The following MYH6 variants were observed in gnomAD, a reference collection of about 807,000 sequenced individuals.
MYH6 encodes the protein myosin-6.
MYH6 carries 126 observed loss-of-function variants against 223.2 expected under a neutral mutation model. The ratio of observed to expected loss-of-function variants is 0.56; its 90% CI spans 0.49 to 0.65. MYH6 has a LOEUF of 0.65. Among genes scored for constraint, MYH6 ranks in the 30% least tolerant of loss-of-function variants. The pLI is 0.00. For missense variants in MYH6, 2,040 were observed against 2,536.4 expected, an observed-to-expected ratio of 0.80 and a Z score of 4.20; for synonymous variants, 978 against 1,010.2, an observed-to-expected ratio of 0.97 and a Z score of 0.61.
At chr14:23,392,871 G>C (rs1449843039) in intron 24 of MYH6, 41 bp downstream of exon 24, 1 of 1,610,754 alleles carries the variant, frequency 6.2e-7, no homozygotes, top group Non-Finnish European at 8.5e-7. Context: ...TACCAGGCCA[G>C]ACACCTCCAT....
rs187065265 is a variant in MYH6, at chr14:23,390,033, G to A, written c.3732+24C>T. ...GGCTCCGCTGTGCAGGGGAGAGGGC[G>A]AGGGGAGGCCGAGCAGAGCCTGCCT... On this transcript the variant is annotated intron_variant, in intron 26 of 38. Transcript: ENST00000405093. 1.1e-5 allele frequency: 17 copies of A among 1,613,592 alleles called. No homozygotes were observed. In the East Asian group the frequency reaches 3.1e-4, roughly 30 times the overall value.
chr14:23,383,214 T>G lies in MYH6; in HGVS notation c.5661+11A>C, dbSNP rs769522300. On this transcript the variant is annotated intron_variant, in intron 37 of 38. Transcript: ENST00000405093. ...GTGTTGATGAGAAAGGGAAGAAAGC[T>G]CTGAACTCACCGCCTCCTCGGCCTG... 6.2e-7 allele frequency: 1 copy of G among 1,609,228 alleles called. No individual in the cohort carries two copies. The highest frequency in any genetic ancestry group is 8.5e-7 in the Non-Finnish European group (1 of 1,176,790).
chr14:23,389,072 G>GGGGGGGGGGCCC lies in MYH6; in HGVS notation c.3979-18_3979-17insGGGCCCCCCCCC. ...GTTCTTCGCCTGGGGAGGGGGGGGG[G>GGGGGGGGGGCCC]CACCAGGAGGTGGGAGGGACTCCCT... On this transcript the variant is annotated splice_polypyrimidine_tract_variant and intron_variant, in intron 28 of 38. Transcript: ENST00000405093. 1 of 1,135,170 alleles carries GGGGGGGGGGCCC rather than the reference G, an allele frequency of 8.8e-7. No individual in the cohort carries two copies. Among genetic ancestry groups the GGGGGGGGGGCCC allele is most frequent in the Non-Finnish European group, 1.3e-6 (1 of 774,148 alleles). 70.3% of individuals were successfully genotyped at this position (1,135,170 alleles called of 1,614,324 possible).
At chr14:23,396,113 AAAAGAAG>A (rs2138602781) in intron 20 of MYH6, among the ~76,000 whole-genome samples, 164 bp downstream of exon 20, 1 of 144,534 alleles carries the variant, frequency 6.9e-6, no homozygotes, top group African/African-American at 2.5e-5. Context: ...TAAAAAAAAA[AAAAGAAG>A]AAGAAGAAGA....
At position 23,388,260 on chromosome 14, in the gene MYH6, C is replaced by T; in HGVS notation, c.4254G>A (p.Lys1418=). 6.2e-7 allele frequency: 1 copy of T among 1,613,098 alleles called. No individual in the cohort carries two copies. The highest frequency in any genetic ancestry group is 8.5e-7 in the Non-Finnish European group (1 of 1,180,046). ...AVNAKCSSLE[K]TKHRLQNEIE... ...TCTCATTCTGTAGCCGGTGCTTGGTCTTCTCCAGTGAGGAGCACTTGGCAT... is the reference window on the plus strand; with the variant it reads ...TCTCATTCTGTAGCCGGTGCTTGGTTTTCTCCAGTGAGGAGCACTTGGCAT... The change falls in exon 30 of 39, where the codon AAG becomes AAA. Residue 1418 remains lysine, a synonymous_variant. Transcript: ENST00000405093.
intron 33 of MYH6, 42 bp from the exon 34 acceptor site, chr14:23,386,173 G>A (rs1319506637): frequency 6.2e-7 from 1 of 1,613,702 alleles, no homozygotes; most frequent in African/African-American, 1.3e-5. Context: ...GCCAGCCTCG[G>A]TGCCCTTCAC....
intron 15 of MYH6, among the ~76,000 whole-genome samples, chr14:23,397,940 C>CTTCTTCTTCTTT (rs1891458272): frequency 5.6e-5 from 3 of 53,192 alleles, no homozygotes; most frequent in Non-Finnish European, 1.1e-4. Context: ...TCCTCTTCTT[C>CTTCTTCTTCTTT]TTCTTCTTCT....
intron 25 of MYH6, among the ~76,000 whole-genome samples, chr14:23,390,704 G>GAT (rs1891214398): frequency 6.6e-6 from 1 of 152,140 alleles, no homozygotes; most frequent in African/African-American, 2.4e-5. Context: ...GAATTTGGCT[G>GAT]AAGCTCCCAA....
chr14:23,399,946 G>C, intron 14 of MYH6: 1 of 429,930 alleles, frequency 2.3e-6, no homozygotes, highest in Non-Finnish European at 4.3e-6. Context: ...TCTAATTTCA[G>C]CCTAGGATCT....
At chr14:23,384,806 C>T in intron 35 of MYH6, 89 bp from the exon 36 acceptor site, 1 of 1,613,436 alleles carries the variant, frequency 6.2e-7, no homozygotes, top group Admixed American at 1.7e-5. Context: ...ATCAGGCCCT[C>T]AAATCCACAG....
chr14:23,383,216 T>G lies in MYH6; in HGVS notation c.5661+9A>C, dbSNP rs373908250. 6.2e-7 allele frequency: 1 copy of G among 1,608,676 alleles called. No individual in the cohort carries two copies. The highest frequency in any genetic ancestry group is 1.3e-5 in the African/African-American group (1 of 74,720). The stretch of plus-strand genomic sequence containing the variant: ...GTTGATGAGAAAGGGAAGAAAGCTC[T>G]GAACTCACCGCCTCCTCGGCCTGGC... On this transcript the variant is annotated intron_variant, in intron 37 of 38. Coordinates refer to ENST00000405093, the MANE Select transcript of MYH6 (RefSeq NM_002471.4).
At chr14:23,402,370 C>T (rs1057378055) in intron 12 of MYH6, 94 bp downstream of exon 12, 76 of 1,577,020 alleles carry the variant, frequency 4.8e-5, no homozygotes, top group Non-Finnish European at 5.3e-5. Context: ...CACCCCACTG[C>T]CCCACAAGCC....
At position 23,405,059 on chromosome 14, in the gene MYH6, C is replaced by A. The variant is rs370618708; in HGVS notation, c.530+41G>T. On this transcript the variant is annotated intron_variant, in intron 6 of 38. Transcript: ENST00000405093. The surrounding 1 kb of genome is among the most constrained non-coding windows in gnomAD (Gnocchi z 4.7). The stretch of plus-strand genomic sequence containing the variant: ...CACCCTAGGCATCAGCGTGTATGCC[C>A]CCAGCCCAGTCCCTTCTGTGGGAGG... 6.5e-5 allele frequency: 105 copies of A among 1,613,928 alleles called. No homozygotes were observed. Among genetic ancestry groups the A allele is most frequent in the Non-Finnish European group, 8.8e-5 (104 of 1,179,990 alleles).
Position 23,385,112 on chromosome 14 carries a change from A to G in MYH6, c.5164-71T>C. 3.1e-6 allele frequency: 5 copies of G among 1,602,816 alleles called. No individual in the cohort carries two copies. The South Asian group carries it at 4.4e-5, about 14-fold the overall frequency. ...TTACCTGATTTCATACCCTTTCTCC[A>G]GAAAGAATTAAAGGTGGTCATTTTT... On this transcript the variant is annotated intron_variant, in intron 34 of 38. Transcript: ENST00000405093.
Position 23,386,001 on chromosome 14 carries a change from G to A in MYH6, c.5090C>T (p.Thr1697Ile). 6.2e-7 allele frequency: 1 copy of A among 1,614,210 alleles called. No homozygotes were observed. The highest frequency in any genetic ancestry group is 2.2e-5 in the East Asian group (1 of 44,882). ...CTCCGCCAGCTTCCGGGACCGCTCT[G>A]TCTGCTCCACCACGGCACGCAGCTC... Reference protein sequence around the residue: ...LEELRAVVEQTERSRKLAEQE... With the variant: ...LEELRAVVEQIERSRKLAEQE... Residue 1697 changes from threonine to isoleucine, a missense_variant, in exon 34 of 39, where the codon ACA becomes ATA. This residue lies in a region of MYH6 where 1,203 missense variants were observed against 1,400.2 expected (regional missense o/e 0.86). Transcript: ENST00000405093.
intron 19 of MYH6, 71 bp from the exon 20 acceptor site, chr14:23,396,491 G>A (rs1293753717): frequency 1.9e-5 from 31 of 1,591,832 alleles, no homozygotes; most frequent in Non-Finnish European, 2.5e-5. Context: ...GACCCTGGAT[G>A]AGCTCCCAGG....
chr14:23,401,776 C>A (rs1242732765), intron 12 of MYH6, among the ~76,000 whole-genome samples: 1 of 152,226 alleles, frequency 6.6e-6, no homozygotes, highest in Non-Finnish European at 1.5e-5. Context: ...CACGCTCCTA[C>A]CCCCAGCCAT....
chr14:23,398,758 G>A lies in MYH6; in HGVS notation c.1861C>T (p.Leu621Phe). 2.5e-6 allele frequency: 4 copies of A among 1,614,218 alleles called. No individual in the cohort carries two copies. Among genetic ancestry groups the A allele is most frequent in the Non-Finnish European group, 3.4e-6 (4 of 1,180,040 alleles). The change falls in exon 15 of 39, where the codon CTC becomes TTC. Residue 621 changes from leucine to phenylalanine, a missense_variant. Coordinates refer to ENST00000405093, the MANE Select transcript of MYH6 (RefSeq NM_002471.4). ...QKSSLKLMAT[L>F]FSSYATADTG... ...TCGGCAGTTGCGTAGGAGGAGAAGA[G>A]AGTGGCCATGAGCTTGAGGGAGGAC...
At chr14:23,385,601 T>C (rs930180794) in intron 34 of MYH6, among the ~76,000 whole-genome samples, 1 of 151,950 alleles carries the variant, frequency 6.6e-6, no homozygotes, top group Admixed American at 6.6e-5. Context: ...CAGTTATGCT[T>C]CTTTAAACTC....
Sources: gnomAD v4.1 joint callset for allele counts (sites outside exome capture counted in the v4.1 genomes callset) on GRCh38, gnomAD v4.1.1 for gene constraint, gnomAD v4.1.1 regional missense constraint, Gnocchi (gnomAD v3.1) non-coding constraint, MANE v1.5 for transcripts, NCBI Gene and HGNC (gene_info 2026-07-23, HGNC 2026-07-21) for gene names.